The following ABCD3 variants were observed in gnomAD, a reference collection of about 807,000 sequenced individuals.
ABCD3 encodes ATP binding cassette subfamily D member 3, also known as ATP-binding cassette sub-family D member 3.
Under a neutral mutation model 105.5 loss-of-function variants are expected in ABCD3, and 41 were observed. That is an observed-to-expected ratio of 0.39 (90% CI 0.30 to 0.50). The LOEUF (loss-of-function observed/expected upper bound fraction) is 0.50. ABCD3 is among the 20% of genes least tolerant of loss of function. The pLI is 0.84. For missense variants in ABCD3, 622 were observed against 806.3 expected (o/e 0.77, Z 2.77); for synonymous variants, 258 against 269.0 (o/e 0.96, Z 0.40).
chr1:94,517,228 TAAAA>T lies in ABCD3; in HGVS notation c.*107_*110del, dbSNP rs4148063. ...AAATAAAGTTGAGCTTAGTTTTTTT[TAAAA>T]AAAAAAACAAAGCAACAAATTAACT... On this transcript the variant is annotated 3_prime_UTR_variant, in exon 23 of 23. Coordinates refer to ENST00000370214, the MANE Select transcript of ABCD3 (RefSeq NM_002858.4). 2 of 781,676 alleles carry T rather than the reference TAAAA, an allele frequency of 2.6e-6. No individual in the cohort carries two copies. The highest frequency in any genetic ancestry group is 1.7e-5 in the South Asian group (1 of 59,788). 48.4% of individuals were successfully genotyped at this position (781,676 alleles called of 1,614,324 possible).
the ABCD3 span, among the ~76,000 whole-genome samples, chr1:94,400,162 C>T: frequency 0.033 from 5,048 of 152,222 alleles, 176 homozygotes; most frequent in East Asian, 0.18. Flanking sequence ...AACCCCAGCA[C>T]TTTGAGAGGA....
intron 1 of ABCD3, among the ~76,000 whole-genome samples, chr1:94,447,777 G>T (rs1037818230): frequency 6.6e-6 from 1 of 152,150 alleles, no homozygotes; most frequent in Middle Eastern, 3.2e-3. Flanking sequence ...CTCCTACTTA[G>T]GGACCTTAGT....
rs1322619826 is a variant in ABCD3 at position 94,487,979 on chromosome 1, G to A, written c.1153G>A (p.Ala385Thr). ...GGCTGGGCGTGAAATGACTAGATTG[G>A]CCGGGTAAGATTAGTAATAATGAGC... ...VLAGREMTRL[A>T]GFTARITELM... The change falls in exon 13 of 23, where the codon GCC becomes ACC. Residue 385 changes from alanine to threonine, a missense_variant. Transcript: ENST00000370214. The A allele has an allele frequency of 6.2e-7, 1 of 1,611,898 alleles. No individual in the cohort carries two copies. Among genetic ancestry groups the A allele is most frequent in the Non-Finnish European group, 8.5e-7 (1 of 1,178,276 alleles).
intron 1 of ABCD3, among the ~76,000 whole-genome samples, chr1:94,446,422 T>A (rs1317965915): frequency 6.6e-6 from 1 of 152,084 alleles, no homozygotes; most frequent in Non-Finnish European, 1.5e-5. Flanking sequence ...TTAAAAGGAG[T>A]ACAAATACAT....
At chr1:94,463,419 C>A (rs1165978184) in intron 2 of ABCD3, among the ~76,000 whole-genome samples, 2 of 152,086 alleles carry the variant, frequency 1.3e-5, no homozygotes, top group Non-Finnish European at 2.9e-5. Flanking sequence ...AATTCAGTAC[C>A]CAAACAGTTC....
chr1:94,473,755 G>A lies in ABCD3; in HGVS notation c.336-11G>A, dbSNP rs144397556. 1.6e-5 allele frequency: 26 copies of A among 1,609,686 alleles called. No individual in the cohort carries two copies. The African/African-American group carries it at 2.5e-4, about 16-fold the overall frequency. ...TTTTGCAACTAATGCATTGCATGTG[G>A]TGGTTTGCAGTGGTATCATTGGTCG... On this transcript the variant is annotated splice_polypyrimidine_tract_variant and intron_variant, in intron 4 of 22. Transcript: ENST00000370214.
the ABCD3 span, among the ~76,000 whole-genome samples, chr1:94,396,452 T>G: frequency 3.3e-5 from 5 of 152,124 alleles, no homozygotes; most frequent in African/African-American, 1.2e-4. Flanking sequence ...CAGCAAACAC[T>G]TCATCCAACC....
chr1:94,456,018 G>T (rs1329846426), intron 1 of ABCD3, among the ~76,000 whole-genome samples: 2 of 151,840 alleles, frequency 1.3e-5, no homozygotes, highest in African/African-American at 4.8e-5. Context: ...CTGTACATTA[G>T]ATCTCCAGAA....
At chr1:94,434,450 G>A (rs932482422) in intron 1 of ABCD3, among the ~76,000 whole-genome samples, 1 of 152,072 alleles carries the variant, frequency 6.6e-6, no homozygotes, top group East Asian at 1.9e-4. Context: ...CAAGCATTAA[G>A]TACTGTACCT....
chr1:94,500,446 A>G (rs1650038399), intron 20 of ABCD3, among the ~76,000 whole-genome samples: 1 of 152,146 alleles, frequency 6.6e-6, no homozygotes, highest in Admixed American at 6.6e-5. Context: ...CTCTCTAAAA[A>G]TAAATAAATA....
In ABCD3 at chr1:94,418,578, G is replaced by C. The variant is rs1659118767; in HGVS notation, c.100G>C (p.Gly34Arg). The C allele has an allele frequency of 3.1e-6, 5 of 1,597,368 alleles. No homozygotes were observed. The highest frequency in any genetic ancestry group is 1.1e-5 in the South Asian group (1 of 89,872). ...GCTCCACAAGCGGCGCCGCGCCCTC[G>C]GCCTGCACGGGTAAGAAGGCCCGTA... ...CLLHKRRRAL[G>R]LHGKKSGKPP... The change falls in exon 1 of 23, where the codon GGC (glycine) becomes CGC (arginine). Residue 34 changes from glycine (G) to arginine (R), a missense_variant. Around this residue, in one of 4 missense-constraint regions of ABCD3, gnomAD observed 89 missense variants for 77.5 expected, o/e 1.15. Transcript: ENST00000370214.
At chr1:94,414,023 A>C (rs1256941244), upstream of ABCD3, among the ~76,000 whole-genome samples, 2 of 152,156 alleles carry the variant, frequency 1.3e-5, no homozygotes, top group African/African-American at 2.4e-5. Flanking sequence ...TAGAAGGAAT[A>C]GGATATTCAA....
chr1:94,404,952 GA>G, the ABCD3 span, among the ~76,000 whole-genome samples: 278 of 132,888 alleles, frequency 2.1e-3, 1 homozygote, highest in South Asian at 0.014. Flanking sequence ...AAAAAAAAAA[GA>G]AAAAAAAAAA....
At chr1:94,454,451 C>G (rs1647442881) in intron 1 of ABCD3, among the ~76,000 whole-genome samples, 1 of 151,958 alleles carries the variant, frequency 6.6e-6, no homozygotes. Context: ...AATCCTGGTA[C>G]AGATACCTTA....
chr1:94,506,480 G>A lies in ABCD3; in HGVS notation c.1741-58G>A, dbSNP rs552794661. The A allele has an allele frequency of 5.1e-5, 50 of 989,172 alleles. No individual in the cohort carries two copies. In the East Asian group the frequency reaches 1.1e-3, roughly 21 times the overall value. 61.3% of individuals were successfully genotyped at this position (989,172 alleles called of 1,614,324 possible). ...TGCATATTTAACATAAGTTTGTTTC[G>A]GCTTACTAATTTTAGGTCTGCCTGT... is the stretch of plus-strand genomic sequence containing the variant. On this transcript the variant is annotated intron_variant, in intron 20 of 22. Transcript: ENST00000370214.
the ABCD3 span, among the ~76,000 whole-genome samples, chr1:94,403,256 T>G: frequency 1.3e-5 from 2 of 152,174 alleles, no homozygotes; most frequent in African/African-American, 4.8e-5. Context: ...GGCTGGAATC[T>G]TGCATAGGAG....
intron 4 of ABCD3, 99 bp from the exon 5 acceptor site, chr1:94,473,667 T>C (rs2100993058): frequency 3.1e-6 from 3 of 968,960 alleles, no homozygotes; most frequent in Non-Finnish European, 3.3e-6. Flanking sequence ...TTTGATTTAA[T>C]AGAAGTTTCC....
intron 22 of ABCD3, among the ~76,000 whole-genome samples, chr1:94,516,439 T>C (rs575236886): frequency 3.0e-4 from 46 of 152,086 alleles, no homozygotes; most frequent in Non-Finnish European, 6.0e-4. Flanking sequence ...GCCAAGCCTT[T>C]ATGTTTTCTC....
intron 9 of ABCD3, chr1:94,481,475 A>C (rs908595082): frequency 1.3e-5 from 2 of 152,244 alleles, no homozygotes; most frequent in African/African-American, 4.8e-5. Context: ...TAGTGAAAGA[A>C]GCAGAAAGCA....
Sources: gnomAD v4.1 joint callset for allele counts (sites outside exome capture counted in the v4.1 genomes callset) on GRCh38, gnomAD v4.1.1 for gene constraint, gnomAD v4.1.1 regional missense constraint, MANE v1.5 for transcripts, NCBI Gene and HGNC (gene_info 2026-07-23, HGNC 2026-07-21) for gene names.